Variants in ULK4 observed in about 807,000 individuals in gnomAD.
ULK4 encodes unc-51 like kinase 4, also known as inactive serine/threonine-protein kinase ULK4.
ULK4 carries 133 observed loss-of-function variants against 160.6 expected under a neutral mutation model. The observed-to-expected ratio is 0.83, with a 90% CI of 0.72 to 0.96. The LOEUF is 0.96. ULK4 is among the 40% of genes least tolerant of loss of function. The pLI is 0.00. For missense variants in ULK4, 1,580 were observed against 1,499.5 expected (o/e 1.05, Z -0.89); for synonymous variants, 534 against 539.8 (o/e 0.99, Z 0.15).
chr3:41,941,953 C>T, intron 2 of ULK4, among the ~76,000 whole-genome samples: 1 of 151,894 alleles, frequency 6.6e-6, no homozygotes, highest in Non-Finnish European at 1.5e-5. Flanking sequence ...CCAGCAATTC[C>T]TTCCAGCACT....
rs940515910 is a variant in ULK4, at chr3:41,521,247, A to G, written c.3226+44778T>C. Among the ~76,000 whole-genome samples, 7 of 152,100 alleles carry G rather than the reference A, an allele frequency of 4.6e-5. 1 individual carries two copies. Among genetic ancestry groups the G allele is most frequent in the Non-Finnish European group, 7.4e-5 (5 of 68,006 alleles). ...ACCAGCTAGCATTACTCAACCTAAC[A>G]GTCCTCTGTCAGTAGGTTCCCGGTC... On this transcript the variant is annotated intron_variant, in intron 32 of 36. Transcript: ENST00000301831.
At chr3:41,904,484 C>T (rs1163658668) in intron 12 of ULK4, among the ~76,000 whole-genome samples, 2 of 151,962 alleles carry the variant, frequency 1.3e-5, no homozygotes, top group Non-Finnish European at 2.9e-5. Context: ...AATAAACTAC[C>T]TTAGGTATTC....
At chr3:41,641,210 T>C (rs926874374) in intron 30 of ULK4, among the ~76,000 whole-genome samples, 7 of 152,220 alleles carry the variant, frequency 4.6e-5, no homozygotes, top group Admixed American at 4.6e-4. Flanking sequence ...AAATCAGCCC[T>C]GGTGCAGCAG....
intron 31 of ULK4, among the ~76,000 whole-genome samples, chr3:41,612,941 G>A (rs533377872): frequency 6.6e-6 from 1 of 152,282 alleles, no homozygotes; most frequent in African/African-American, 2.4e-5. Context: ...CTGGAAAACA[G>A]GGATGGGCTA....
At chr3:41,862,793 C>A (rs1378046520) in intron 17 of ULK4, among the ~76,000 whole-genome samples, 1 of 149,514 alleles carries the variant, frequency 6.7e-6, no homozygotes, top group Admixed American at 6.6e-5. Flanking sequence ...CTCCGCTCCC[C>A]CCCCCCTTTC....
intron 32 of ULK4, among the ~76,000 whole-genome samples, chr3:41,529,825 C>T (rs916952465): frequency 1.3e-5 from 2 of 152,110 alleles, no homozygotes; most frequent in African/African-American, 4.8e-5. Context: ...ATTATTTTTG[C>T]CTTTTCTATT....
rs114793375 is a variant in ULK4, at chr3:41,367,930, C to A, written c.3678+30149G>T. ...GTCATGTGTGTGCCAAGAAAACAAC[C>A]AAAATATTCCAACTACGTTAATCTA... On this transcript the variant is annotated intron_variant, in intron 35 of 36. Transcript: ENST00000301831. 4.1e-3 allele frequency among the ~76,000 whole-genome samples: 623 copies of A among 152,148 alleles called. 2 individuals carry two copies. The highest frequency in any genetic ancestry group is 0.014 in the African/African-American group (595 of 41,502).
chr3:41,446,840 T>C lies in ULK4; in HGVS notation c.3492+8657A>G, dbSNP rs1575231522. 2.0e-5 allele frequency among the ~76,000 whole-genome samples: 3 copies of C among 151,700 alleles called. No homozygotes were observed. The South Asian group carries it at 6.3e-4, about 32-fold the overall frequency. Reference sequence around the variant, plus strand: ...CATGTATATATATGTAACAAACCTGTACGTTGTGCACATGTACCATAAAAC... The same window carrying C: ...CATGTATATATATGTAACAAACCTGCACGTTGTGCACATGTACCATAAAAC... On this transcript the variant is annotated intron_variant, in intron 34 of 36. Coordinates refer to ENST00000301831, the MANE Select transcript of ULK4 (RefSeq NM_017886.4).
At chr3:41,876,865 G>A (rs2125697480) in intron 17 of ULK4, among the ~76,000 whole-genome samples, 1 of 152,306 alleles carries the variant, frequency 6.6e-6, no homozygotes, top group East Asian at 1.9e-4. Context: ...GGAGAGAACA[G>A]TGATCAGGAG....
At chr3:41,623,672 A>T (rs2033358485) in intron 30 of ULK4, among the ~76,000 whole-genome samples, 1 of 152,220 alleles carries the variant, frequency 6.6e-6, no homozygotes, top group South Asian at 2.1e-4. Flanking sequence ...AGAGAAGTAG[A>T]GGGTAGAATG....
intron 35 of ULK4, among the ~76,000 whole-genome samples, chr3:41,304,471 C>T (rs2079864525): frequency 6.6e-6 from 1 of 152,094 alleles, no homozygotes; most frequent in Admixed American, 6.5e-5. Context: ...TTAGAAGAAA[C>T]ATAGAAACTG....
intron 18 of ULK4, among the ~76,000 whole-genome samples, chr3:41,821,286 C>A (rs2041135702): frequency 6.6e-6 from 1 of 152,226 alleles, no homozygotes; most frequent in African/African-American, 2.4e-5. Flanking sequence ...CCAGAGAGCA[C>A]AGAGTCCATT....
chr3:41,567,028 G>A (rs1053482265), intron 31 of ULK4, among the ~76,000 whole-genome samples: 32 of 152,130 alleles, frequency 2.1e-4, no homozygotes, highest in South Asian at 6.2e-4. Flanking sequence ...TACGTCCTGC[G>A]CCCATTCACC....
Position 41,459,436 on chromosome 3 carries a change from G to A in ULK4, c.3393+3651C>T, listed in dbSNP as rs141083651. On this transcript the variant is annotated intron_variant, in intron 33 of 36. Transcript: ENST00000301831. The stretch of plus-strand genomic sequence containing the variant: ...AGCATAACTGTCAATGGTGCGGCTC[G>A]GATCAATTCAATTCAACACTTACTG... Among the ~76,000 whole-genome samples the A allele has an allele frequency of 4.7e-3, 717 of 152,078 alleles. 4 individuals are homozygous for A. The highest frequency in any genetic ancestry group is 0.017 in the African/African-American group (690 of 41,480).
At chr3:41,270,310 C>T (rs1170503039) in intron 35 of ULK4, among the ~76,000 whole-genome samples, 1 of 152,132 alleles carries the variant, frequency 6.6e-6, no homozygotes, top group African/African-American at 2.4e-5. Context: ...TCATTCCCAA[C>T]CCAGCTGGGG....
intron 16 of ULK4, among the ~76,000 whole-genome samples, chr3:41,885,600 C>A (rs1697692399): frequency 6.6e-6 from 1 of 152,142 alleles, no homozygotes; most frequent in South Asian, 2.1e-4. Context: ...CACATCTGCA[C>A]TGCTCAATAT....
intron 34 of ULK4, among the ~76,000 whole-genome samples, chr3:41,411,393 C>G (rs943215490): frequency 6.6e-6 from 1 of 151,586 alleles, no homozygotes; most frequent in South Asian, 2.1e-4. Flanking sequence ...TCTCCACAAC[C>G]TCTTATCATA....
chr3:41,320,012 A>T (rs1271944564), intron 35 of ULK4, among the ~76,000 whole-genome samples: 2 of 152,218 alleles, frequency 1.3e-5, no homozygotes, highest in African/African-American at 4.8e-5. Context: ...AATATGTTAT[A>T]TTTTAAATAT....
Position 41,284,457 on chromosome 3 carries a change from T to C in ULK4, c.3679-34883A>G, listed in dbSNP as rs552044752. 4.3e-4 allele frequency among the ~76,000 whole-genome samples: 65 copies of C among 152,268 alleles called. 1 individual carries two copies. Among genetic ancestry groups the C allele is most frequent in the African/African-American group, 1.5e-3 (64 of 41,566 alleles). ...AAAAACCCAATTACTTACAGTCAAC[T>C]GATCTTCAACAAAGCAAACAAAAAC... is the stretch of plus-strand genomic sequence containing the variant. On this transcript the variant is annotated intron_variant, in intron 35 of 36. Transcript: ENST00000301831.
Sources: allele counts gnomAD v4.1 joint callset (sites outside exome capture counted in the v4.1 genomes callset), GRCh38; gene constraint gnomAD v4.1.1; transcripts MANE v1.5; gene names NCBI Gene and HGNC (gene_info 2026-07-23, HGNC 2026-07-21).